Variants in CNIH3 observed in about 807,000 individuals in gnomAD.
CNIH3 encodes the protein cornichon family AMPA receptor auxiliary protein 3.
A neutral mutation model predicts 24.1 loss-of-function variants in CNIH3; 14 were observed. That is an observed-to-expected ratio of 0.58 (90% CI 0.38 to 0.91). CNIH3 has a LOEUF of 0.91. Ranked by LOEUF, CNIH3 falls within the 40% of genes least tolerant of loss-of-function variation. CNIH3 has a pLI of 0.00. For missense variants in CNIH3, 178 were observed against 196.8 expected, an observed-to-expected ratio of 0.90 and a Z score of 0.57; for synonymous variants, 68 against 73.8, an observed-to-expected ratio of 0.92 and a Z score of 0.40.
chr1:224,590,792 C>G (rs919437517), downstream of CNIH3, among the ~76,000 whole-genome samples: 13 of 151,984 alleles, frequency 8.6e-5, no homozygotes. Flanking sequence ...TGCTTTTGGC[C>G]CTTCTTCCCC....
At chr1:224,658,404 C>T (rs1685196008) in intron 1 of CNIH3, among the ~76,000 whole-genome samples, 1 of 151,922 alleles carries the variant, frequency 6.6e-6, no homozygotes, top group South Asian at 2.1e-4. Context: ...TGGGCTCAAG[C>T]AATCAGCCTG....
intron 1 of CNIH3, among the ~76,000 whole-genome samples, chr1:224,506,051 G>T (rs1040665425): frequency 6.6e-6 from 1 of 152,168 alleles, no homozygotes; most frequent in African/African-American, 2.4e-5. Context: ...CAAGACCCAA[G>T]CCTTTTTATT....
chr1:224,697,175 T>C (rs1181708725), intron 3 of CNIH3, among the ~76,000 whole-genome samples: 1 of 152,192 alleles, frequency 6.6e-6, no homozygotes, highest in Non-Finnish European at 1.5e-5. Flanking sequence ...GTGACGTGCT[T>C]GTCACATCAG....
intron 1 of CNIH3, among the ~76,000 whole-genome samples, chr1:224,518,860 A>G (rs1034075559): frequency 6.6e-6 from 1 of 152,234 alleles, no homozygotes; most frequent in Non-Finnish European, 1.5e-5. Flanking sequence ...CTTTTGCTTC[A>G]TATGGAGGAA....
intron 1 of CNIH3, among the ~76,000 whole-genome samples, chr1:224,635,338 A>G (rs1229189029): frequency 6.6e-6 from 1 of 152,206 alleles, no homozygotes; most frequent in African/African-American, 2.4e-5. Context: ...GGGTGGGGAC[A>G]CACAGCCAAA....
At chr1:224,497,649 A>G (rs914613919) in intron 1 of CNIH3, among the ~76,000 whole-genome samples, 2 of 152,094 alleles carry the variant, frequency 1.3e-5, no homozygotes, top group African/African-American at 4.8e-5. Context: ...AACTTTTTTT[A>G]TGTGTTGCTG....
At chr1:224,648,605 G>C (rs1684727979) in intron 1 of CNIH3, among the ~76,000 whole-genome samples, 1 of 152,050 alleles carries the variant, frequency 6.6e-6, no homozygotes, top group South Asian at 2.1e-4. Flanking sequence ...ACACTGTTTG[G>C]GCTTGGGGAG....
intron 1 of CNIH3, among the ~76,000 whole-genome samples, chr1:224,620,004 T>C (rs1344074443): frequency 6.6e-6 from 1 of 152,246 alleles, no homozygotes; most frequent in Non-Finnish European, 1.5e-5. Flanking sequence ...CTCCCCTTTT[T>C]TCCCACTGGA....
At chr1:224,440,238 A>AT (rs1674840497) in intron 1 of CNIH3, among the ~76,000 whole-genome samples, 1 of 151,600 alleles carries the variant, frequency 6.6e-6, no homozygotes, top group Admixed American at 6.6e-5. Context: ...TATTATTATT[A>AT]TTTTATTTTG....
chr1:224,576,590 TC>T lies in CNIH3; in HGVS notation n.517-6573del, dbSNP rs1244347700. Among the ~76,000 whole-genome samples the T allele has an allele frequency of 2.0e-5, 3 of 152,258 alleles. 1 individual carries two copies. Among genetic ancestry groups the T allele is most frequent in the African/African-American group, 7.2e-5 (3 of 41,468 alleles). On this transcript the variant is annotated intron_variant and non_coding_transcript_variant, in intron 4 of 5. Coordinates refer to the CNIH3 transcript ENST00000471578. ...ACTTTCACATGTGGTTAGTTAACATTCAGTGTTTGCATTCTTATGACCTATG... is the reference window on the plus strand; with the variant it reads ...ACTTTCACATGTGGTTAGTTAACATTAGTGTTTGCATTCTTATGACCTATG...
chr1:224,460,395 C>T (rs530604932), intron 1 of CNIH3, among the ~76,000 whole-genome samples: 37 of 152,300 alleles, frequency 2.4e-4, no homozygotes, highest in African/African-American at 8.7e-4. Context: ...CTGAGAAAAC[C>T]CTCTCTCTGG....
chr1:224,457,774 T>G (rs1453477546), intron 1 of CNIH3, among the ~76,000 whole-genome samples: 1 of 152,212 alleles, frequency 6.6e-6, no homozygotes, highest in African/African-American at 2.4e-5. Context: ...TTTTTAGTTG[T>G]TTTTCCACCT....
intron 2 of CNIH3, among the ~76,000 whole-genome samples, chr1:224,529,576 G>C (rs903957882): frequency 6.6e-6 from 1 of 152,142 alleles, no homozygotes; most frequent in African/African-American, 2.4e-5. Flanking sequence ...AGGACCTATA[G>C]CCTCCTCTAG....
chr1:224,522,403 A>T (rs1678672078), intron 2 of CNIH3, among the ~76,000 whole-genome samples: 1 of 152,202 alleles, frequency 6.6e-6, no homozygotes, highest in Admixed American at 6.5e-5. Context: ...CTGGAGTCTG[A>T]TTTTGACTCC....
chr1:224,436,789 A>G (rs1674687179), intron 1 of CNIH3: 1 of 152,238 alleles, frequency 6.6e-6, no homozygotes, highest in African/African-American at 2.4e-5. Context: ...CACATTACCT[A>G]CAGAATAAAA....
At position 224,616,623 on chromosome 1, in the gene CNIH3, A is replaced by G. The variant is rs1683007043; in HGVS notation, c.-552A>G. ...CTACCTAAAGACTCCTTCTCTCGGG[A>G]AAGAGCGCTGCCCGGCTCTGGGATT... On this transcript the variant is annotated 5_prime_UTR_variant, in exon 1 of 6. Coordinates refer to ENST00000272133, the MANE Select transcript of CNIH3 (RefSeq NM_152495.2). 2 of 987,218 alleles carry G rather than the reference A, an allele frequency of 2.0e-6. No individual in the cohort carries two copies. The highest frequency in any genetic ancestry group is 4.7e-5 in the South Asian group (1 of 21,434). The allele number at this position is 987,218 out of a possible 1,614,324, so 61.2% of individuals were successfully genotyped here.
chr1:224,508,384 A>G (rs554279243), intron 1 of CNIH3, among the ~76,000 whole-genome samples: 3 of 152,340 alleles, frequency 2.0e-5, no homozygotes, highest in South Asian at 4.1e-4. Flanking sequence ...GGACTAGCAC[A>G]GTTGGATTTT....
intron 1 of CNIH3, among the ~76,000 whole-genome samples, chr1:224,485,569 C>T (rs1271395693): frequency 6.6e-6 from 1 of 152,026 alleles, no homozygotes; most frequent in Non-Finnish European, 1.5e-5. Context: ...CATTGTTCAC[C>T]ACAGCCTTGA....
intron 5 of CNIH3, among the ~76,000 whole-genome samples, chr1:224,585,494 T>C (rs1681466152): frequency 6.6e-6 from 1 of 151,980 alleles, no homozygotes; most frequent in Admixed American, 6.6e-5. Flanking sequence ...TTTTTTTATT[T>C]TTGAGACAGG....
Sources: gnomAD v4.1 joint callset for allele counts (sites outside exome capture counted in the v4.1 genomes callset) on GRCh38, gnomAD v4.1.1 for gene constraint, MANE v1.5 for transcripts, NCBI Gene and HGNC (gene_info 2026-07-23, HGNC 2026-07-21) for gene names.